Variants in RHPN2 observed in about 807,000 individuals in gnomAD.
RHPN2 encodes rhophilin-2.
In RHPN2, 40 loss-of-function variants were observed where a neutral mutation model predicts 79.0. The ratio of observed to expected loss-of-function variants is 0.51; its 90% CI spans 0.39 to 0.66. The LOEUF (loss-of-function observed/expected upper bound fraction) is 0.66, where lower values mean the gene tolerates loss of function less well. Ranked by LOEUF, RHPN2 falls within the 30% of genes least tolerant of loss-of-function variation. The pLI is 0.00. For missense variants in RHPN2, 686 were observed against 883.5 expected (o/e 0.78, Z 2.83); for synonymous variants, 285 against 363.5 (o/e 0.78, Z 2.46).
intron 1 of RHPN2, among the ~76,000 whole-genome samples, chr19:33,058,314 C>T (rs1448968383): frequency 2.0e-5 from 3 of 152,236 alleles, no homozygotes; most frequent in Non-Finnish European, 2.9e-5. Context: ...GTCTGGAATG[C>T]CCCAGAACCT....
intron 4 of RHPN2, among the ~76,000 whole-genome samples, chr19:33,013,588 C>T (rs927669083): frequency 8.5e-5 from 13 of 152,092 alleles, no homozygotes; most frequent in Non-Finnish European, 1.8e-4. Flanking sequence ...CATCGTGGCT[C>T]ACGTCTGTAA....
intron 2 of RHPN2, among the ~76,000 whole-genome samples, chr19:33,040,470 C>A (rs1306581985): frequency 6.6e-6 from 1 of 151,862 alleles, no homozygotes; most frequent in Non-Finnish European, 1.5e-5. Flanking sequence ...GATCTCTTGA[C>A]CTTGTGATTC....
At chr19:33,045,363 ATTTAGTAACAGC>A (rs1357998400) in intron 1 of RHPN2, among the ~76,000 whole-genome samples, 1 of 151,568 alleles carries the variant, frequency 6.6e-6, no homozygotes, top group African/African-American at 2.4e-5. Context: ...TACTTTTTTT[ATTTAGTAACAGC>A]TTTATGGAGA....
intron 2 of RHPN2, among the ~76,000 whole-genome samples, chr19:33,039,435 A>G (rs1371449091): frequency 3.3e-5 from 5 of 152,012 alleles, no homozygotes; most frequent in Non-Finnish European, 2.9e-5. Flanking sequence ...CCAGAATTTC[A>G]TCACCCCCGT....
intron 1 of RHPN2, among the ~76,000 whole-genome samples, chr19:33,054,061 C>T (rs1319032403): frequency 6.6e-6 from 1 of 151,588 alleles, no homozygotes; most frequent in Non-Finnish European, 1.5e-5. Flanking sequence ...AGAGTTTTGT[C>T]GATGCAGCCC....
chr19:33,018,576 C>T (rs374233732), intron 4 of RHPN2, among the ~76,000 whole-genome samples: 2 of 152,120 alleles, frequency 1.3e-5, no homozygotes, highest in East Asian at 3.9e-4. Flanking sequence ...TTCCAGTAAA[C>T]TTGAGTCCTG....
At chr19:33,022,733 T>A (rs1287826136) in intron 3 of RHPN2, among the ~76,000 whole-genome samples, 1 of 152,160 alleles carries the variant, frequency 6.6e-6, no homozygotes, top group Admixed American at 6.5e-5. Context: ...ACAGGAGACC[T>A]CCTTGGGCTG....
chr19:32,985,227 T>A (rs1194844005), intron 14 of RHPN2, among the ~76,000 whole-genome samples: 1 of 151,914 alleles, frequency 6.6e-6, no homozygotes, highest in Non-Finnish European at 1.5e-5. Flanking sequence ...GAAGGGAGGA[T>A]CTTTTGAGTC....
At chr19:33,020,494 A>AT (rs35117323) in intron 4 of RHPN2, among the ~76,000 whole-genome samples, 6,278 of 131,364 alleles carry the variant, frequency 0.048, 199 homozygotes, top group African/African-American at 0.082. Flanking sequence ...TGCCCAGCTA[A>AT]TTTTTTTTTT....
At position 32,979,760 on chromosome 19, in the gene RHPN2, T is replaced by G; in HGVS notation, c.*236A>C. The G allele has an allele frequency of 1.9e-6, 1 of 536,048 alleles. No homozygotes were observed. Among genetic ancestry groups the G allele is most frequent in the Non-Finnish European group, 3.3e-6 (1 of 301,636 alleles). The allele number at this position is 536,048 out of a possible 1,614,324, so 33.2% of individuals were successfully genotyped here. ...ACACTATTCTATTTACAATACTTTA[T>G]ATAATAAATAACTTACAGCAGTATA... On this transcript the variant is annotated 3_prime_UTR_variant, in exon 15 of 15. Transcript: ENST00000254260.
chr19:33,062,799 TA>T (rs369921302), intron 1 of RHPN2, among the ~76,000 whole-genome samples: 100 of 119,648 alleles, frequency 8.4e-4, no homozygotes, highest in South Asian at 2.6e-3. Context: ...ATAATAATAA[TA>T]ATAATTAATA....
At chr19:33,048,015 C>T (rs1972155934) in intron 1 of RHPN2, among the ~76,000 whole-genome samples, 1 of 152,120 alleles carries the variant, frequency 6.6e-6, no homozygotes. Context: ...AGCCCCACAA[C>T]CTAATTTTCC....
chr19:32,996,829 A>C (rs959862125), intron 10 of RHPN2, among the ~76,000 whole-genome samples: 1 of 152,098 alleles, frequency 6.6e-6, no homozygotes, highest in East Asian at 1.9e-4. Context: ...ATTAGTCTCA[A>C]AGTGTGGCAT....
At chr19:33,031,262 T>G (rs1972009441) in intron 2 of RHPN2, among the ~76,000 whole-genome samples, 1 of 151,472 alleles carries the variant, frequency 6.6e-6, no homozygotes, top group Admixed American at 6.6e-5. Context: ...TCTACTCTAT[T>G]CTATTCTATT....
rs1972218111 is a variant in RHPN2 at position 33,054,736 on chromosome 19, G to A, written c.69+10048C>T. Among the ~76,000 whole-genome samples, 3 of 152,216 alleles carry A rather than the reference G, an allele frequency of 2.0e-5. No individual in the cohort carries two copies. In the South Asian group the frequency reaches 6.2e-4, roughly 31 times the overall value. On this transcript the variant is annotated intron_variant, in intron 1 of 14. Coordinates refer to ENST00000254260, the MANE Select transcript of RHPN2 (RefSeq NM_033103.5). ...TATGGCTACCTCCAATGCAGCCTTT[G>A]TGTCACGGGACGCTGGTACCTGAGC... is the stretch of plus-strand genomic sequence containing the variant.
rs755176874 is a variant in RHPN2, at chr19:32,999,606, T to C, written c.1205A>G (p.Asp402Gly). 12 of 1,612,356 alleles carry C rather than the reference T, an allele frequency of 7.4e-6. No homozygotes were observed. Among genetic ancestry groups the C allele is most frequent in the Admixed American group, 1.7e-5 (1 of 59,950 alleles). Residue 402 changes from aspartate (D) to glycine (G), a missense_variant, in exon 10 of 15, where the codon GAT becomes GGT. By Grantham distance (94) the Asp-to-Gly change is moderately conservative (BLOSUM62 -1). Transcript: ENST00000254260. Reference sequence around the variant, plus strand: ...CGCACCCAGCTGTCGGCGCTGCTGATCATTCTTCAGTGTGGCCAAGGGTGT... The same window carrying C: ...CGCACCCAGCTGTCGGCGCTGCTGACCATTCTTCAGTGTGGCCAAGGGTGT... ...GLTPLATLKN[D>G]QQRRQLGKSH...
chr19:32,998,969 G>GGGAGGGGAAC (rs1971726605), intron 10 of RHPN2, among the ~76,000 whole-genome samples: 1 of 126,866 alleles, frequency 7.9e-6, no homozygotes, highest in Non-Finnish European at 1.7e-5. Context: ...AGGAGGGGAA[G>GGGAGGGGAAC]GGAGGGGAAC....
rs1358631193 is a variant in RHPN2 at position 32,996,175 on chromosome 19, A to G, written c.1271T>C (p.Val424Ala). The G allele has an allele frequency of 3.1e-6, 5 of 1,614,136 alleles. No homozygotes were observed. The highest frequency in any genetic ancestry group is 4.2e-6 in the Non-Finnish European group (5 of 1,180,026). The part of the protein sequence containing the change: ...RRAMAHHEES[V>A]REASLCKKLR... ...CTTCTTGCAGAGGCTGGCCTCCCGC[A>G]CCGACTCCTCGTGATGAGCCATGGC... The change falls in exon 11 of 15, where the codon GTG becomes GCG. Residue 424 changes from valine (V) to alanine (A), a missense_variant. Transcript: ENST00000254260.
intron 7 of RHPN2, among the ~76,000 whole-genome samples, chr19:33,007,364 G>C (rs540138775): frequency 3.9e-5 from 6 of 152,170 alleles, no homozygotes; most frequent in African/African-American, 1.4e-4. Flanking sequence ...GCGGGTGCCT[G>C]TAATCCCAGC....
Sources: allele counts gnomAD v4.1 joint callset (sites outside exome capture counted in the v4.1 genomes callset), GRCh38; gene constraint gnomAD v4.1.1; transcripts MANE v1.5; gene names NCBI Gene and HGNC (gene_info 2026-07-23, HGNC 2026-07-21).